Variants in CD86 observed in about 807,000 individuals in gnomAD.
CD86 encodes T-lymphocyte activation antigen CD86.
A neutral mutation model predicts 32.1 loss-of-function variants in CD86; 11 were observed. The observed-to-expected ratio is 0.34, with a 90% CI of 0.22 to 0.57. The LOEUF (loss-of-function observed/expected upper bound fraction) is 0.57, where lower values mean the gene tolerates loss of function less well. Among genes scored for constraint, CD86 ranks in the 20% least tolerant of loss-of-function variants. CD86 has a pLI of 0.86. For synonymous variants in CD86, 137 were observed against 135.3 expected (o/e 1.01, Z -0.09); for missense variants, 359 against 398.4 (o/e 0.90, Z 0.84).
At chr3:122,074,280 C>G (rs1163484349) in intron 1 of CD86, among the ~76,000 whole-genome samples, 1 of 152,114 alleles carries the variant, frequency 6.6e-6, no homozygotes, top group African/African-American at 2.4e-5. Flanking sequence ...CCATCCCCTG[C>G]CCTCCCTTCT....
chr3:122,077,224 C>T (rs1380134999), intron 1 of CD86, among the ~76,000 whole-genome samples: 5 of 152,262 alleles, frequency 3.3e-5, no homozygotes, highest in Admixed American at 6.5e-5. Context: ...GGATCACATA[C>T]GAGTGAAACC....
At chr3:122,070,323 G>T (rs1270451847) in intron 1 of CD86, among the ~76,000 whole-genome samples, 1 of 152,130 alleles carries the variant, frequency 6.6e-6, no homozygotes, top group Admixed American at 6.6e-5. Context: ...TTTGCATCAT[G>T]AGAAAGTAAA....
chr3:122,094,141 T>C (rs895203846), intron 2 of CD86, among the ~76,000 whole-genome samples: 2 of 152,146 alleles, frequency 1.3e-5, no homozygotes, highest in African/African-American at 2.4e-5. Flanking sequence ...TCTCAAGATC[T>C]GGGAGAGAAG....
At chr3:122,081,895 T>C (rs568623696) in intron 1 of CD86, among the ~76,000 whole-genome samples, 1 of 152,324 alleles carries the variant, frequency 6.6e-6, no homozygotes, top group Admixed American at 6.5e-5. Context: ...TCTGAAGCCC[T>C]GGATCACTTG....
chr3:122,098,644 G>T (rs1448871629), intron 2 of CD86, among the ~76,000 whole-genome samples: 2 of 152,138 alleles, frequency 1.3e-5, no homozygotes, highest in African/African-American at 4.8e-5. Context: ...GATCATTTTG[G>T]CTTGAGAAAC....
chr3:122,066,605 G>A (rs936294333), intron 1 of CD86, among the ~76,000 whole-genome samples: 3 of 152,166 alleles, frequency 2.0e-5, no homozygotes, highest in African/African-American at 7.2e-5. Context: ...TATTTATTGT[G>A]AAGATTAAAT....
At chr3:122,093,440 G>A (rs937532261) in intron 2 of CD86, among the ~76,000 whole-genome samples, 2 of 152,148 alleles carry the variant, frequency 1.3e-5, no homozygotes, top group African/African-American at 4.8e-5. Context: ...ATCATAGGGT[G>A]TCCTTACACA....
chr3:122,055,465 T>G lies in CD86; in HGVS notation c.-25T>G. On this transcript the variant is annotated 5_prime_UTR_variant, in exon 1 of 7. The change creates a premature stop within an existing upstream ORF in the 5' untranslated region. Transcript: ENST00000330540. Reference sequence around the variant, plus strand: ...GGATGAGTGGGGTCATTTCCAGATATTAGGTCACAGCAGAAGCAGCCAAAA... The same window carrying G: ...GGATGAGTGGGGTCATTTCCAGATAGTAGGTCACAGCAGAAGCAGCCAAAA... The G allele has an allele frequency of 1.2e-6, 2 of 1,612,806 alleles. No individual in the cohort carries two copies. Among genetic ancestry groups the G allele is most frequent in the South Asian group, 1.1e-5 (1 of 91,058 alleles).
intron 6 of CD86, 55 bp downstream of exon 6, chr3:122,118,148 T>TATTCAAGTAACAGGCACTCTGGG: frequency 6.9e-7 from 1 of 1,451,460 alleles, no homozygotes; most frequent in Non-Finnish European, 9.7e-7. Context: ...CCAGAGTGCC[T>TATTCAAGTAACAGGCACTCTGGG]GTTACTTGAA....
At chr3:122,089,107 A>G (rs1559905484) in intron 1 of CD86, among the ~76,000 whole-genome samples, 1 of 152,258 alleles carries the variant, frequency 6.6e-6, no homozygotes, top group Non-Finnish European at 1.5e-5. Flanking sequence ...GAGTTTACTT[A>G]TACCCTAAGC....
At chr3:122,105,769 T>A (rs1022112539) in intron 3 of CD86, among the ~76,000 whole-genome samples, 2 of 152,076 alleles carry the variant, frequency 1.3e-5, no homozygotes, top group Non-Finnish European at 2.9e-5. Context: ...CACCATGAAC[T>A]CTGTCAGTTC....
intron 3 of CD86, among the ~76,000 whole-genome samples, chr3:122,104,549 C>T (rs1256672026): frequency 6.6e-6 from 1 of 151,932 alleles, no homozygotes; most frequent in Non-Finnish European, 1.5e-5. Flanking sequence ...TTTAGGTAAC[C>T]GCCACAGGAC....
chr3:122,079,737 T>C (rs529694088), intron 1 of CD86, among the ~76,000 whole-genome samples: 21 of 152,312 alleles, frequency 1.4e-4, no homozygotes, highest in Non-Finnish European at 2.1e-4. Flanking sequence ...GGCGCCATTT[T>C]GAATATGTGT....
chr3:122,073,898 G>T (rs1050111402), intron 1 of CD86, among the ~76,000 whole-genome samples: 2 of 152,132 alleles, frequency 1.3e-5, no homozygotes, highest in Non-Finnish European at 2.9e-5. Flanking sequence ...AATCCCACTG[G>T]TGAGCCTCAA....
At chr3:122,083,400 C>T (rs79373789) in intron 1 of CD86, among the ~76,000 whole-genome samples, 6,494 of 152,250 alleles carry the variant, frequency 0.043, 189 homozygotes, top group South Asian at 0.072. Context: ...CCTTCTCTCA[C>T]GTGCCCTCCT....
intron 2 of CD86, among the ~76,000 whole-genome samples, chr3:122,099,626 G>C (rs1324742961): frequency 6.6e-6 from 1 of 152,170 alleles, no homozygotes; most frequent in Admixed American, 6.5e-5. Flanking sequence ...AAATTTTATA[G>C]AGACAAAGGG....
chr3:122,067,141 G>A (rs2107503815), intron 1 of CD86, among the ~76,000 whole-genome samples: 1 of 152,318 alleles, frequency 6.6e-6, no homozygotes, highest in Admixed American at 6.5e-5. Context: ...TGTGAGGGCA[G>A]TTTTATGGGT....
intron 1 of CD86, chr3:122,086,633 A>T (rs1481995136): frequency 4.3e-6 from 2 of 470,166 alleles, no homozygotes. Context: ...GTGGAGAAGT[A>T]CTCTCTGTAC....
chr3:122,055,646 G>A, intron 1 of CD86, 143 bp downstream of exon 1: 1 of 737,352 alleles, frequency 1.4e-6, no homozygotes, highest in East Asian at 2.6e-5. Flanking sequence ...AAGATCTTTG[G>A]CACATAAAGG....
Sources: allele counts gnomAD v4.1 joint callset (sites outside exome capture counted in the v4.1 genomes callset), GRCh38; gene constraint gnomAD v4.1.1; transcripts MANE v1.5; gene names NCBI Gene and HGNC (gene_info 2026-07-23, HGNC 2026-07-21).